ACCSL: variants seen among roughly 807,000 people sequenced by gnomAD.
ACCSL encodes probable inactive 1-aminocyclopropane-1-carboxylate synthase-like protein 2.
ACCSL carries 55 observed loss-of-function variants against 61.7 expected under a neutral mutation model. The observed-to-expected ratio is 0.89, with a 90% CI of 0.72 to 1.12. The LOEUF (loss-of-function observed/expected upper bound fraction) is 1.12, where lower values mean the gene tolerates loss of function less well. ACCSL is among the 50% of genes most tolerant of loss of function. ACCSL has a pLI of 0.00. For synonymous variants in ACCSL, 258 were observed against 264.3 expected (o/e 0.98, Z 0.23); for missense variants, 632 against 698.0 (o/e 0.91, Z 1.07).
At chr11:44,002,930 G>A in the ACCSL span, among the ~76,000 whole-genome samples, 1 of 152,136 alleles carries the variant, frequency 6.6e-6, no homozygotes, top group Non-Finnish European at 1.5e-5. Flanking sequence ...GGCATGGTGA[G>A]GGTGACTTTC....
the ACCSL span, among the ~76,000 whole-genome samples, chr11:44,024,837 T>C: frequency 6.6e-6 from 1 of 152,182 alleles, no homozygotes; most frequent in Non-Finnish European, 1.5e-5. Flanking sequence ...ATTTCTGTTA[T>C]TTTTTGCTTC....
chr11:43,981,177 C>T, the ACCSL span, among the ~76,000 whole-genome samples: 34,763 of 152,054 alleles, frequency 0.23, 4,259 homozygotes, highest in Non-Finnish European at 0.28. Flanking sequence ...GGACTTTATC[C>T]GCCTGGGGAC....
the ACCSL span, among the ~76,000 whole-genome samples, chr11:43,979,871 G>GAAAAAA: frequency 7.2e-6 from 1 of 138,868 alleles, no homozygotes; most frequent in Non-Finnish European, 1.5e-5. Context: ...AAAAAGAAAA[G>GAAAAAA]AAAAAAAAAT....
At chr11:43,928,877 A>G in the ACCSL span, among the ~76,000 whole-genome samples, 1 of 152,048 alleles carries the variant, frequency 6.6e-6, no homozygotes, top group African/African-American at 2.4e-5. Context: ...TCCTCTCCTC[A>G]TTGCAACACA....
Position 44,059,836 on chromosome 11 carries a change from A to G in ACCSL, c.1625-2A>G. The G allele has an allele frequency of 6.2e-7, 1 of 1,613,206 alleles. No homozygotes were observed. The highest frequency in any genetic ancestry group is 8.5e-7 in the Non-Finnish European group (1 of 1,179,430). ...CTCTCTGTCCCCATTTGAACCCTCT[A>G]GCTATGCGTCGGTTCTGTGATGTGC... On this transcript the variant is annotated splice_acceptor_variant, in intron 13 of 13. Transcript: ENST00000378832. LOFTEE classifies it high-confidence loss of function.
At chr11:43,925,767 T>C in the ACCSL span, among the ~76,000 whole-genome samples, 10 of 152,134 alleles carry the variant, frequency 6.6e-5, no homozygotes, top group Non-Finnish European at 1.3e-4. Flanking sequence ...CTCTGCCCTT[T>C]CTAGCTGAGT....
the ACCSL span, among the ~76,000 whole-genome samples, chr11:43,963,136 C>T: frequency 6.6e-6 from 1 of 152,174 alleles, no homozygotes; most frequent in Non-Finnish European, 1.5e-5. Flanking sequence ...ATACACAGGG[C>T]ACAGTAACTG....
the ACCSL span, among the ~76,000 whole-genome samples, chr11:43,960,845 G>T: frequency 6.6e-6 from 1 of 151,932 alleles, no homozygotes; most frequent in African/African-American, 2.4e-5. Context: ...TGAGATGGAG[G>T]TTCGCTCTTG....
the ACCSL span, among the ~76,000 whole-genome samples, chr11:44,008,444 T>C: frequency 6.6e-6 from 1 of 152,236 alleles, no homozygotes; most frequent in African/African-American, 2.4e-5. Flanking sequence ...CAAAAAGCAA[T>C]GTCAGGAGAC....
the ACCSL span, among the ~76,000 whole-genome samples, chr11:44,010,905 G>C: frequency 6.6e-6 from 1 of 152,174 alleles, no homozygotes; most frequent in Non-Finnish European, 1.5e-5. Context: ...CATCTTGTAA[G>C]TTACCCCTAT....
At chr11:44,005,183 C>T in the ACCSL span, among the ~76,000 whole-genome samples, 5 of 151,854 alleles carry the variant, frequency 3.3e-5, no homozygotes, top group Non-Finnish European at 7.4e-5. Context: ...GTCCCTCCAC[C>T]CCTCGACAAG....
chr11:44,031,452 G>A, the ACCSL span, among the ~76,000 whole-genome samples: 3 of 152,250 alleles, frequency 2.0e-5, no homozygotes, highest in African/African-American at 4.8e-5. Flanking sequence ...AAAGTGTCTC[G>A]AGGAAAACAA....
At position 44,048,054 on chromosome 11, in the gene ACCSL, C is replaced by T; in HGVS notation, c.18C>T (p.Asp6=). Residue 6 remains aspartate, a synonymous_variant, in exon 1 of 14, where the codon GAC becomes GAT. Coordinates refer to ENST00000378832, the MANE Select transcript of ACCSL (RefSeq NM_001031854.2). MSHRS[D]TLPVPSGQRR... Reference sequence around the variant, plus strand: ...CCCGGAGTATGAGTCATCGGTCAGACACCCTTCCTGTGCCCTCTGGTCAGA... The same window carrying T: ...CCCGGAGTATGAGTCATCGGTCAGATACCCTTCCTGTGCCCTCTGGTCAGA... 6.2e-7 allele frequency: 1 copy of T among 1,611,192 alleles called. No individual in the cohort carries two copies. Among genetic ancestry groups the T allele is most frequent in the Non-Finnish European group, 8.5e-7 (1 of 1,177,566 alleles).
At chr11:44,035,268 G>A in the ACCSL span, among the ~76,000 whole-genome samples, 110 of 152,014 alleles carry the variant, frequency 7.2e-4, 1 homozygote, top group African/African-American at 2.6e-3. Flanking sequence ...AGAGGGTTGT[G>A]TCTGTCTCGT....
At chr11:44,049,879 T>C in intron 1 of ACCSL, 183 bp from the exon 2 acceptor site, 2 of 705,428 alleles carry the variant, frequency 2.8e-6, no homozygotes, top group Non-Finnish European at 5.0e-6. Flanking sequence ...GTGGCTCTAA[T>C]GGGGAAATTT....
At chr11:44,048,925 A>G (rs1011865437) in intron 1 of ACCSL, among the ~76,000 whole-genome samples, 3 of 152,156 alleles carry the variant, frequency 2.0e-5, no homozygotes, top group African/African-American at 7.2e-5. Flanking sequence ...GTGGTCTGGG[A>G]AGAGGTCTTA....
the ACCSL span, among the ~76,000 whole-genome samples, chr11:43,987,581 G>C: frequency 1.3e-5 from 2 of 152,164 alleles, no homozygotes; most frequent in South Asian, 4.1e-4. Flanking sequence ...GACAGGAAGT[G>C]GAATCTGGGT....
the ACCSL span, among the ~76,000 whole-genome samples, chr11:43,925,817 C>G: frequency 2.6e-5 from 4 of 152,168 alleles, no homozygotes; most frequent in Admixed American, 1.3e-4. Context: ...TTTCCTCCAC[C>G]GTGAAATGGA....
intron 5 of ACCSL, among the ~76,000 whole-genome samples, chr11:44,052,426 C>G (rs1298585972): frequency 1.3e-5 from 2 of 152,182 alleles, no homozygotes; most frequent in African/African-American, 2.4e-5. Flanking sequence ...TGATATTCTT[C>G]CCTCTTCTTC....
Sources: gnomAD v4.1 joint callset for allele counts (sites outside exome capture counted in the v4.1 genomes callset) on GRCh38, gnomAD v4.1.1 for gene constraint, MANE v1.5 for transcripts, NCBI Gene and HGNC (gene_info 2026-07-23, HGNC 2026-07-21) for gene names.